Variants in HSPA4 observed in about 807,000 individuals in gnomAD.
HSPA4 encodes the protein heat shock protein family A (Hsp70) member 4, also known as heat shock 70 kDa protein 4.
A neutral mutation model predicts 106.2 loss-of-function variants in HSPA4; 25 were observed. The ratio of observed to expected loss-of-function variants is 0.24; its 90% CI spans 0.17 to 0.33. The LOEUF is 0.33. Ranked by LOEUF, HSPA4 falls within the 10% of genes least tolerant of loss-of-function variation. The pLI is 1.00. For synonymous variants in HSPA4, 332 were observed against 333.6 expected, an observed-to-expected ratio of 1.00 and a Z score of 0.05; for missense variants, 841 against 996.0, an observed-to-expected ratio of 0.84 and a Z score of 2.10.
intron 4 of HSPA4, among the ~76,000 whole-genome samples, chr5:133,071,284 CA>C (rs755520266): frequency 0.032 from 2,011 of 62,100 alleles, 27 homozygotes; most frequent in African/African-American, 0.084. Flanking sequence ...CTGTCTTTAC[CA>C]AAAAAAAAAA....
chr5:133,081,555 G>C (rs987062781), intron 7 of HSPA4, among the ~76,000 whole-genome samples: 2 of 152,102 alleles, frequency 1.3e-5, no homozygotes, highest in Non-Finnish European at 2.9e-5. Context: ...ACTTGTTTTG[G>C]AGGATGCCAA....
At chr5:133,055,114 C>T (rs939754459) in intron 1 of HSPA4, among the ~76,000 whole-genome samples, 10 of 152,118 alleles carry the variant, frequency 6.6e-5, no homozygotes, top group Non-Finnish European at 1.2e-4. Context: ...CCATACACCA[C>T]GGAATTGTGA....
intron 4 of HSPA4, among the ~76,000 whole-genome samples, chr5:133,071,025 T>A (rs1401631576): frequency 6.6e-6 from 1 of 152,182 alleles, no homozygotes; most frequent in East Asian, 1.9e-4. Context: ...CAAGGTGCAT[T>A]CATCTCAGCC....
At chr5:133,103,334 A>G (rs1482717586) in intron 17 of HSPA4, among the ~76,000 whole-genome samples, 1 of 150,150 alleles carries the variant, frequency 6.7e-6, no homozygotes, top group Admixed American at 6.6e-5. Flanking sequence ...TAAGATTACG[A>G]GCGTGAGCCA....
chr5:133,086,684 C>T (rs1454959054), intron 7 of HSPA4, 98 bp from the exon 8 acceptor site: 1 of 819,292 alleles, frequency 1.2e-6, no homozygotes, highest in Non-Finnish European at 2.1e-6. Context: ...TTTGCCAGCA[C>T]TTGTTGTTAC....
In HSPA4 at chr5:133,086,911, T is replaced by G. The variant is rs1765585390; in HGVS notation, c.985+53T>G. 6.2e-6 allele frequency: 8 copies of G among 1,300,240 alleles called. 1 individual carries two copies. The South Asian group carries it at 9.7e-5, about 16-fold the overall frequency. 80.5% of individuals were successfully genotyped at this position (1,300,240 alleles called of 1,614,324 possible). A position where few individuals can be genotyped will look rare whatever the true frequency, so the allele number is the denominator to read the frequency against. ...TGCGTATCTCAGACTGTTTGGAAATTGTTATTTATTATCTTACTTTTGCAA... is the reference window on the plus strand; with the variant it reads ...TGCGTATCTCAGACTGTTTGGAAATGGTTATTTATTATCTTACTTTTGCAA... On this transcript the variant is annotated intron_variant, in intron 8 of 18. Transcript: ENST00000304858.
At chr5:133,098,227 CAA>C (rs1054659500) in intron 15 of HSPA4, among the ~76,000 whole-genome samples, 8 of 152,202 alleles carry the variant, frequency 5.3e-5, no homozygotes, top group Admixed American at 4.6e-4. Context: ...CCAGTTGCTG[CAA>C]AAGACATTAT....
chr5:133,052,413 C>T lies in HSPA4; in HGVS notation c.107+56C>T, dbSNP rs1358204726. On this transcript the variant is annotated intron_variant, in intron 1 of 18. Coordinates refer to ENST00000304858, the MANE Select transcript of HSPA4 (RefSeq NM_002154.4). ...TGGGGTTAGGAGATAATGCTTGTTC[C>T]AGTCTGGGACCCTCGCTGCTTGGGG... is the stretch of plus-strand genomic sequence containing the variant. 4.3e-6 allele frequency: 5 copies of T among 1,159,412 alleles called. No individual in the cohort carries two copies. The African/African-American group carries it at 7.8e-5, about 18-fold the overall frequency. The allele number at this position is 1,159,412 out of a possible 1,614,324, so 71.8% of individuals were successfully genotyped here.
intron 1 of HSPA4, among the ~76,000 whole-genome samples, chr5:133,057,897 G>A (rs988557127): frequency 6.6e-6 from 1 of 152,202 alleles, no homozygotes; most frequent in African/African-American, 2.4e-5. Flanking sequence ...GTTAAAATAT[G>A]AATAACATAA....
intron 7 of HSPA4, among the ~76,000 whole-genome samples, chr5:133,086,076 G>T: frequency 6.6e-6 from 1 of 152,178 alleles, no homozygotes; most frequent in East Asian, 1.9e-4. Flanking sequence ...GGTTGTGCAT[G>T]CCTGTAGACC....
At chr5:133,072,562 ATTTTTTT>A (rs1221515710) in intron 4 of HSPA4, among the ~76,000 whole-genome samples, 8 of 130,116 alleles carry the variant, frequency 6.1e-5, no homozygotes, top group Admixed American at 7.6e-5. Flanking sequence ...CTAGTGGTTT[ATTTTTTT>A]TTTTTTTTTG....
intron 5 of HSPA4, 69 bp from the exon 6 acceptor site, chr5:133,073,924 T>G: frequency 8.4e-7 from 1 of 1,187,084 alleles, no homozygotes; most frequent in Non-Finnish European, 1.1e-6. Flanking sequence ...TAAAACCTCT[T>G]TTTTCCTGCT....
rs1338166855 is a variant in HSPA4 at position 133,105,225 on chromosome 5, G to C, written c.*789G>C. On this transcript the variant is annotated 3_prime_UTR_variant, in exon 19 of 19. Coordinates refer to ENST00000304858, the MANE Select transcript of HSPA4 (RefSeq NM_002154.4). ...AATTTAACTGAGGAATTAAATCCTTGTTAATTTTGGTGTAAAGATTTGTAT... is the reference window on the plus strand; with the variant it reads ...AATTTAACTGAGGAATTAAATCCTTCTTAATTTTGGTGTAAAGATTTGTAT... The C allele has an allele frequency of 6.6e-6, 1 of 152,188 alleles. No individual in the cohort carries two copies. Among genetic ancestry groups the C allele is most frequent in the Non-Finnish European group, 1.5e-5 (1 of 68,038 alleles). The allele number at this position is 152,188 out of a possible 1,614,324, so 9.4% of individuals were successfully genotyped here. A position where few individuals can be genotyped will look rare whatever the true frequency, so the allele number is the denominator to read the frequency against.
chr5:133,099,745 G>A, intron 16 of HSPA4, 93 bp downstream of exon 16: 1 of 564,772 alleles, frequency 1.8e-6, no homozygotes, highest in South Asian at 2.8e-5. Flanking sequence ...AGTAAAGACA[G>A]ACTGAAAATG....
At position 133,092,719 on chromosome 5, in the gene HSPA4, A is replaced by T; in HGVS notation, c.1580A>T (p.Glu527Val). ...KEEEKMQVDQ[E>V]EPHVEEQQQQ... ...TTTCAGAAGATGCAAGTGGACCAGG[A>T]GGAACCACATGTTGAAGAGCAACAG... Residue 527 changes from glutamate to valine, a missense_variant, in exon 13 of 19, where the codon GAG becomes GTG. Physicochemically the swap from Glu to Val is moderately radical, Grantham distance 121. Around this residue, in one of 5 missense-constraint regions of HSPA4, gnomAD observed 328 missense variants for 372.2 expected, o/e 0.88. Coordinates refer to ENST00000304858, the MANE Select transcript of HSPA4 (RefSeq NM_002154.4). The T allele has an allele frequency of 3.7e-6, 6 of 1,606,646 alleles. No homozygotes were observed. Among genetic ancestry groups the T allele is most frequent in the Non-Finnish European group, 1.7e-6 (2 of 1,175,516 alleles).
At chr5:133,072,562 A>ATTT (rs1221515710) in intron 4 of HSPA4, among the ~76,000 whole-genome samples, 1 of 130,114 alleles carries the variant, frequency 7.7e-6, no homozygotes. Context: ...CTAGTGGTTT[A>ATTT]TTTTTTTTTT....
intron 1 of HSPA4, among the ~76,000 whole-genome samples, chr5:133,059,698 C>T (rs772941525): frequency 3.9e-5 from 6 of 152,152 alleles, no homozygotes; most frequent in East Asian, 1.9e-4. Flanking sequence ...GACTCTAATA[C>T]GTTTCTGGGC....
intron 4 of HSPA4, among the ~76,000 whole-genome samples, chr5:133,071,825 G>T (rs968542001): frequency 6.6e-6 from 1 of 152,116 alleles, no homozygotes; most frequent in Non-Finnish European, 1.5e-5. Context: ...CTGGGGGTGG[G>T]CTTTATTCTT....
At chr5:133,060,627 G>A (rs1765228826) in intron 1 of HSPA4, among the ~76,000 whole-genome samples, 2 of 152,262 alleles carry the variant, frequency 1.3e-5, no homozygotes, top group South Asian at 2.1e-4. Flanking sequence ...CTCTCAAAGT[G>A]TTGGGATTAC....
Sources: gnomAD v4.1 joint callset for allele counts (sites outside exome capture counted in the v4.1 genomes callset) on GRCh38, gnomAD v4.1.1 for gene constraint, gnomAD v4.1.1 regional missense constraint, MANE v1.5 for transcripts, NCBI Gene and HGNC (gene_info 2026-07-23, HGNC 2026-07-21) for gene names.